Variants in SLC4A5 observed in about 807,000 individuals in gnomAD.
SLC4A5 encodes electrogenic sodium bicarbonate cotransporter 4.
SLC4A5 carries 96 observed loss-of-function variants against 120.4 expected under a neutral mutation model. That is an observed-to-expected ratio of 0.80 (90% CI 0.68 to 0.94). The LOEUF is 0.94. Ranked by LOEUF, SLC4A5 falls within the 40% of genes least tolerant of loss-of-function variation. The pLI is 0.00. For missense variants in SLC4A5, 1,259 were observed against 1,459.5 expected (o/e 0.86, Z 2.24); for synonymous variants, 550 against 571.1 (o/e 0.96, Z 0.53).
rs1158368519 is a variant in SLC4A5, at chr2:74,332,327, T to C, written c.-70+1700A>G. ...AAGTGAAATTATCGCTGAAGCAAAA[T>C]AAACATACATTGACAGTTCTGGTCA... is the stretch of plus-strand genomic sequence containing the variant. On this transcript the variant is annotated intron_variant, in intron 4 of 30. Transcript: ENST00000394019. Among the ~76,000 whole-genome samples, 3 of 148,200 alleles carry C rather than the reference T, an allele frequency of 2.0e-5. No homozygotes were observed. The East Asian group carries it at 7.7e-4, about 38-fold the overall frequency.
chr2:74,238,051 G>A (rs1003315497), intron 21 of SLC4A5, among the ~76,000 whole-genome samples: 12 of 152,072 alleles, frequency 7.9e-5, no homozygotes, highest in East Asian at 1.9e-4. Context: ...GCAGTGAGCC[G>A]AGATCATGCC....
intron 22 of SLC4A5, among the ~76,000 whole-genome samples, chr2:74,234,167 CT>C (rs1178720720): frequency 6.8e-6 from 1 of 147,152 alleles, no homozygotes; most frequent in East Asian, 2.0e-4. Context: ...TTTTTTTTTT[CT>C]TTCTTTCTTT....
Position 74,235,108 on chromosome 2 carries a change from A to T in SLC4A5, c.2426T>A (p.Val809Asp), listed in dbSNP as rs1337537353. ...CGAGGGAAAGGGGCAAACCTTGATGACACTGGGCACATGCAGCTTGGGAGT... is the reference window on the plus strand; with the variant it reads ...CGAGGGAAAGGGGCAAACCTTGATGTCACTGGGCACATGCAGCTTGGGAGT... Residue 809 changes from valine to aspartate, a missense_variant, in exon 22 of 31, where the codon GTC (valine) becomes GAC (aspartate). Coordinates refer to ENST00000394019, the Ensembl canonical transcript of SLC4A5. The T allele has an allele frequency of 4.3e-6, 7 of 1,613,682 alleles. No individual in the cohort carries two copies. In the East Asian group the frequency reaches 1.3e-4, roughly 31 times the overall value.
At chr2:74,277,671 C>T (rs201806936) in intron 8 of SLC4A5, among the ~76,000 whole-genome samples, 1 of 152,132 alleles carries the variant, frequency 6.6e-6, no homozygotes, top group Non-Finnish European at 1.5e-5. Context: ...GATATAACCA[C>T]CAAAATCAAT....
intron 6 of SLC4A5, among the ~76,000 whole-genome samples, chr2:74,311,359 T>G (rs547272501): frequency 1.3e-5 from 2 of 152,302 alleles, no homozygotes; most frequent in South Asian, 4.1e-4. Flanking sequence ...ATTTTGCAAT[T>G]CCTTCTCTTG....
At position 74,276,796 on chromosome 2, in the gene SLC4A5, G is replaced by C. The variant is rs531638627; in HGVS notation, c.401+8977C>G. Among the ~76,000 whole-genome samples the C allele has an allele frequency of 3.4e-5, 5 of 147,226 alleles. No homozygotes were observed. In the East Asian group the frequency reaches 6.2e-4, roughly 18 times the overall value. Reference sequence around the variant, plus strand: ...ACCTCTGATCTGGGTCCCAGTGATAGGGCAATCAAAGTTGGACAGATCAGA... The same window carrying C: ...ACCTCTGATCTGGGTCCCAGTGATACGGCAATCAAAGTTGGACAGATCAGA... On this transcript the variant is annotated intron_variant, in intron 8 of 30. Transcript: ENST00000394019.
At chr2:74,247,289 G>A in exon 19 of SLC4A5, 4 of 1,613,870 alleles carry the variant, frequency 2.5e-6, no homozygotes, top group Non-Finnish European at 3.4e-6. Flanking sequence ...GGAACTCCAT[G>A]TAGTCCAGGC....
At chr2:74,300,194 T>C (rs1479218340) in intron 7 of SLC4A5, among the ~76,000 whole-genome samples, 1 of 152,240 alleles carries the variant, frequency 6.6e-6, no homozygotes, top group Non-Finnish European at 1.5e-5. Flanking sequence ...GAACAGTGTT[T>C]ACCAGGGGTC....
At chr2:74,247,333 G>C in intron 18 of SLC4A5, 26 bp from the exon 19 acceptor site, 1 of 1,595,246 alleles carries the variant, frequency 6.3e-7, no homozygotes, top group Non-Finnish European at 8.5e-7. Flanking sequence ...GAGGTGAGGG[G>C]CCTCCAGCCC....
In SLC4A5 at chr2:74,226,941, C is replaced by G; in HGVS notation, c.3090+16G>C. The G allele has an allele frequency of 6.2e-7, 1 of 1,609,082 alleles. No homozygotes were observed. The highest frequency in any genetic ancestry group is 1.7e-4 in the Middle Eastern group (1 of 6,034). On this transcript the variant is annotated intron_variant, in intron 27 of 30. Transcript: ENST00000394019. ...CAACCTGCCAGGCAGGAGGGGGAAGCCCGTGCCCACTTTACCATGACCGGG... is the reference window on the plus strand; with the variant it reads ...CAACCTGCCAGGCAGGAGGGGGAAGGCCGTGCCCACTTTACCATGACCGGG...
intron 8 of SLC4A5, among the ~76,000 whole-genome samples, chr2:74,272,165 C>A (rs1298873486): frequency 1.3e-5 from 2 of 152,106 alleles, no homozygotes; most frequent in East Asian, 3.9e-4. Context: ...TTTGTGTCAA[C>A]CTGACCTAGC....
intron 27 of SLC4A5, among the ~76,000 whole-genome samples, chr2:74,225,438 G>T (rs1694809374): frequency 6.6e-6 from 1 of 152,084 alleles, no homozygotes; most frequent in African/African-American, 2.4e-5. Context: ...CCTACTAAAA[G>T]TACAAAAGTT....
chr2:74,321,708 C>T (rs887090716), intron 5 of SLC4A5, among the ~76,000 whole-genome samples: 1 of 151,476 alleles, frequency 6.6e-6, no homozygotes, highest in Admixed American at 6.6e-5. Context: ...CTACACTGTC[C>T]AACAACCATT....
chr2:74,303,058 GT>G (rs1257408331), intron 7 of SLC4A5, among the ~76,000 whole-genome samples: 1 of 149,904 alleles, frequency 6.7e-6, no homozygotes, highest in African/African-American at 2.5e-5. Context: ...ATGTGGAAGT[GT>G]TTTTTTGTGT....
At chr2:74,221,628 G>A (rs898902752) in intron 29 of SLC4A5, 127 bp from the exon 30 acceptor site, 21 of 918,120 alleles carry the variant, frequency 2.3e-5, no homozygotes, top group African/African-American at 3.3e-5. Flanking sequence ...AGAGGAATAC[G>A]GGGCCTCAGA....
chr2:74,332,379 T>G (rs1032100724), intron 4 of SLC4A5, among the ~76,000 whole-genome samples: 1 of 152,176 alleles, frequency 6.6e-6, no homozygotes, highest in Non-Finnish European at 1.5e-5. Flanking sequence ...ATGGATAACT[T>G]CCCAAGCTCT....
At chr2:74,242,644 C>G (rs1356761223) in intron 19 of SLC4A5, among the ~76,000 whole-genome samples, 1 of 152,136 alleles carries the variant, frequency 6.6e-6, no homozygotes, top group Non-Finnish European at 1.5e-5. Flanking sequence ...ACTTCCCTGC[C>G]CTGTTCACCT....
chr2:74,256,798 C>A (rs191565814), intron 12 of SLC4A5, among the ~76,000 whole-genome samples: 8 of 152,326 alleles, frequency 5.3e-5, no homozygotes, highest in East Asian at 3.9e-4. Context: ...TCCCTCTGGG[C>A]AGCAAGGGCA....
At chr2:74,274,321 C>T (rs548861648) in intron 8 of SLC4A5, among the ~76,000 whole-genome samples, 66 of 152,302 alleles carry the variant, frequency 4.3e-4, no homozygotes, top group African/African-American at 1.5e-3. Flanking sequence ...GGGAGAAACA[C>T]CTAAGCAAAT....
Sources: allele counts gnomAD v4.1 joint callset (sites outside exome capture counted in the v4.1 genomes callset), GRCh38; gene constraint gnomAD v4.1.1; transcripts MANE v1.5; gene names NCBI Gene and HGNC (gene_info 2026-07-23, HGNC 2026-07-21).